KALRN: variants seen among roughly 807,000 people sequenced by gnomAD.
KALRN encodes the protein kalirin.
KALRN carries 70 observed loss-of-function variants against 353.7 expected under a neutral mutation model. The ratio of observed to expected loss-of-function variants is 0.20; its 90% CI spans 0.16 to 0.24. KALRN has a LOEUF of 0.24. KALRN is among the 10% of genes least tolerant of loss of function. KALRN has a pLI of 1.00. For synonymous variants in KALRN, 1,391 were observed against 1,434.8 expected (o/e 0.97, Z 0.69); for missense variants, 2,791 against 3,756.7 (o/e 0.74, Z 6.72).
At chr3:124,687,411 C>G (rs1325656190) in intron 51 of KALRN, among the ~76,000 whole-genome samples, 1 of 152,162 alleles carries the variant, frequency 6.6e-6, no homozygotes, top group African/African-American at 2.4e-5. Flanking sequence ...GCAACGCACC[C>G]CCATTTTGGT....
chr3:124,719,197 T>C lies in KALRN; in HGVS notation c.8688T>C (p.Asp2896=). ...EETCINVCRV[D]FSFPHEYFCG... is the part of the protein sequence containing the mutation. ...CATGTATCAACGTATGCAGGGTGGATTTCAGCTTCCCCCATGAATACTTCT... is the reference window on the plus strand; with the variant it reads ...CATGTATCAACGTATGCAGGGTGGACTTCAGCTTCCCCCATGAATACTTCT... The change falls in exon 60 of 60, where the codon GAT becomes GAC. Residue 2896 remains aspartate, a synonymous_variant. Transcript: ENST00000682506. This position sits in a 1 kb window ranked among gnomAD's most constrained non-coding sequence, Gnocchi z 5.3. 6.2e-7 allele frequency: 1 copy of C among 1,614,236 alleles called. No individual in the cohort carries two copies. The highest frequency in any genetic ancestry group is 8.5e-7 in the Non-Finnish European group (1 of 1,180,050).
intron 4 of KALRN, chr3:124,268,493 A>T (rs1272207863): frequency 2.0e-6 from 1 of 512,644 alleles, no homozygotes; most frequent in East Asian, 3.2e-5. Flanking sequence ...ACACAAAAGC[A>T]GTTCTTCTGG....
intron 10 of KALRN, among the ~76,000 whole-genome samples, chr3:124,363,477 G>A (rs1483864366): frequency 2.0e-5 from 3 of 152,200 alleles, no homozygotes; most frequent in Non-Finnish European, 2.9e-5. Flanking sequence ...TTCCATTTCA[G>A]TTGAAGTAGG....
intron 1 of KALRN, among the ~76,000 whole-genome samples, chr3:124,204,221 G>A (rs2076210058): frequency 6.6e-6 from 1 of 152,088 alleles, no homozygotes; most frequent in Admixed American, 6.5e-5. Context: ...ATGCTTTTAT[G>A]AGTCTGTTCA....
chr3:124,589,679 A>G (rs922560905), intron 34 of KALRN, among the ~76,000 whole-genome samples: 4 of 152,196 alleles, frequency 2.6e-5, no homozygotes, highest in African/African-American at 9.6e-5. Flanking sequence ...TTCATCTTCT[A>G]GGAAATGCCT....
intron 5 of KALRN, among the ~76,000 whole-genome samples, chr3:124,284,924 C>A (rs2075689169): frequency 6.6e-6 from 1 of 152,190 alleles, no homozygotes; most frequent in African/African-American, 2.4e-5. Flanking sequence ...CTGCTGAGAT[C>A]TCACTGTTTG....
At chr3:124,657,905 A>C in intron 41 of KALRN, 102 bp downstream of exon 41, 1 of 870,488 alleles carries the variant, frequency 1.1e-6, no homozygotes, top group Non-Finnish European at 1.9e-6. Context: ...TGTAATTCCA[A>C]CACTTTAGGA....
chr3:124,434,237 T>C (rs1041001123), intron 16 of KALRN, 70 bp from the exon 17 acceptor site: 14 of 1,198,504 alleles, frequency 1.2e-5, no homozygotes, highest in African/African-American at 3.0e-5. Flanking sequence ...CACTCACGCC[T>C]CACTCCACCC....
intron 14 of KALRN, among the ~76,000 whole-genome samples, chr3:124,420,332 C>G (rs1266071438): frequency 6.6e-6 from 1 of 152,222 alleles, no homozygotes. Flanking sequence ...CCAAGCCCAG[C>G]ATCCTGAACA....
chr3:124,705,153 C>T (rs1331639302), intron 57 of KALRN, among the ~76,000 whole-genome samples: 1 of 152,202 alleles, frequency 6.6e-6, no homozygotes, highest in South Asian at 2.1e-4. Flanking sequence ...AATGCTGACC[C>T]ATTGCCTATA....
intron 34 of KALRN, among the ~76,000 whole-genome samples, chr3:124,606,833 TA>T (rs2077399047): frequency 6.6e-6 from 1 of 152,204 alleles, no homozygotes; most frequent in Non-Finnish European, 1.5e-5. Flanking sequence ...GATGAAGATG[TA>T]AGACTTTTTA....
At chr3:124,092,067 T>C (rs2061150273) in intron 1 of KALRN, among the ~76,000 whole-genome samples, 1 of 152,152 alleles carries the variant, frequency 6.6e-6, no homozygotes, top group Non-Finnish European at 1.5e-5. Flanking sequence ...GCTGAATGGG[T>C]TCACCCTGGG....
intron 10 of KALRN, among the ~76,000 whole-genome samples, chr3:124,368,150 C>A (rs2085218977): frequency 1.1e-5 from 1 of 88,022 alleles, no homozygotes; most frequent in African/African-American, 4.7e-5. Context: ...CTGACCCCCC[C>A]CACCTCCCTC....
intron 1 of KALRN, among the ~76,000 whole-genome samples, chr3:124,201,547 G>GA (rs78110009): frequency 7.3e-5 from 11 of 150,148 alleles, no homozygotes; most frequent in South Asian, 2.1e-4. Flanking sequence ...GAATCCTTTG[G>GA]AAAAAAAAAG....
chr3:124,356,357 GA>G (rs2083415698), intron 10 of KALRN, among the ~76,000 whole-genome samples: 1 of 125,864 alleles, frequency 7.9e-6, no homozygotes, highest in Non-Finnish European at 1.6e-5. Context: ...TTTTGAGACA[GA>G]GTTTCTCTCT....
At chr3:124,368,430 C>T (rs1437724274) in intron 10 of KALRN, among the ~76,000 whole-genome samples, 2 of 146,782 alleles carry the variant, frequency 1.4e-5, no homozygotes, top group African/African-American at 2.5e-5. Context: ...GATGGGGCGG[C>T]GGGGCAGAGG....
intron 1 of KALRN, among the ~76,000 whole-genome samples, chr3:124,205,953 T>G (rs573127670): frequency 6.6e-6 from 1 of 152,302 alleles, no homozygotes; most frequent in African/African-American, 2.4e-5. Flanking sequence ...ACTGACATAT[T>G]CTTGTTGCTT....
intron 1 of KALRN, among the ~76,000 whole-genome samples, chr3:124,192,649 C>T (rs1026537953): frequency 6.6e-5 from 10 of 152,098 alleles, no homozygotes; most frequent in African/African-American, 2.4e-4. Flanking sequence ...AAATAATATG[C>T]ACCTACTATG....
chr3:124,601,416 A>C (rs976103930), intron 34 of KALRN, among the ~76,000 whole-genome samples: 1 of 152,250 alleles, frequency 6.6e-6, no homozygotes, highest in Non-Finnish European at 1.5e-5. Context: ...ACAGACTTGT[A>C]ACCTAGGTCT....
Sources: gnomAD v4.1 joint callset for allele counts (sites outside exome capture counted in the v4.1 genomes callset) on GRCh38, gnomAD v4.1.1 for gene constraint, Gnocchi (gnomAD v3.1) non-coding constraint, MANE v1.5 for transcripts, NCBI Gene and HGNC (gene_info 2026-07-23, HGNC 2026-07-21) for gene names.